GPC6: variants seen among roughly 807,000 people sequenced by gnomAD.
The protein encoded by GPC6 is glypican 6.
Under a neutral mutation model 55.2 loss-of-function variants are expected in GPC6, and 14 were observed. The observed-to-expected ratio is 0.25, with a 90% CI of 0.17 to 0.40. The LOEUF is 0.40. GPC6 is among the 10% of genes least tolerant of loss of function. The pLI is 1.00. For missense variants in GPC6, 641 were observed against 708.5 expected, an observed-to-expected ratio of 0.90 and a Z score of 1.08; for synonymous variants, 278 against 259.6, an observed-to-expected ratio of 1.07 and a Z score of -0.68.
At chr13:94,140,178 A>G (rs17196015) in intron 4 of GPC6, among the ~76,000 whole-genome samples, 26,606 of 152,186 alleles carry the variant, frequency 0.17, 2,744 homozygotes, top group Non-Finnish European at 0.23. Context: ...AAGCAAGTGC[A>G]GTACAAACCT....
At chr13:93,800,267 T>C (rs1485886448) in intron 2 of GPC6, among the ~76,000 whole-genome samples, 1 of 152,240 alleles carries the variant, frequency 6.6e-6, no homozygotes, top group East Asian at 1.9e-4. Context: ...GTGTCATTGC[T>C]ACCATTTGAT....
intron 3 of GPC6, among the ~76,000 whole-genome samples, chr13:93,977,970 A>G (rs1349678181): frequency 6.6e-6 from 1 of 152,206 alleles, no homozygotes; most frequent in Non-Finnish European, 1.5e-5. Context: ...GCTGAAGAGA[A>G]ATCGCCATAG....
chr13:94,027,609 G>C (rs953689650), intron 3 of GPC6, 120 bp from the exon 4 acceptor site: 1 of 863,040 alleles, frequency 1.2e-6, no homozygotes, highest in Non-Finnish European at 1.9e-6. Flanking sequence ...ATGGATTCAA[G>C]ATCAGTAATT....
intron 4 of GPC6, among the ~76,000 whole-genome samples, chr13:94,166,976 G>T (rs985055073): frequency 1.3e-5 from 2 of 152,116 alleles, no homozygotes; most frequent in Non-Finnish European, 2.9e-5. Flanking sequence ...GGACTTAATA[G>T]AATAATAAAT....
intron 4 of GPC6, among the ~76,000 whole-genome samples, chr13:94,239,803 G>A (rs1890997896): frequency 1.3e-5 from 2 of 152,072 alleles, no homozygotes; most frequent in Admixed American, 6.6e-5. Flanking sequence ...ACATTTTAAG[G>A]TATTAAGGCG....
At chr13:93,321,519 C>CCA (rs1879434695) in intron 1 of GPC6, among the ~76,000 whole-genome samples, 1 of 152,124 alleles carries the variant, frequency 6.6e-6, no homozygotes, top group Admixed American at 6.6e-5. Context: ...GTCAAATATA[C>CCA]TATTTTTAGA....
chr13:93,987,613 T>C (rs575009809), intron 3 of GPC6, among the ~76,000 whole-genome samples: 97 of 152,330 alleles, frequency 6.4e-4, no homozygotes, highest in South Asian at 6.2e-4. Flanking sequence ...TAAGTGTCAC[T>C]TTCCTATGTG....
chr13:94,199,103 G>T (rs1048873153), intron 4 of GPC6, among the ~76,000 whole-genome samples: 11 of 152,162 alleles, frequency 7.2e-5, no homozygotes, highest in Admixed American at 5.2e-4. Flanking sequence ...AAGCCTTTGT[G>T]CTGGAAGCTA....
intron 4 of GPC6, among the ~76,000 whole-genome samples, chr13:94,217,645 CTA>C (rs1332954528): frequency 6.6e-6 from 1 of 152,122 alleles, no homozygotes; most frequent in South Asian, 2.1e-4. Context: ...CAAGCTCAAA[CTA>C]TGAAAAACTG....
At chr13:94,230,494 C>T (rs565565355) in intron 4 of GPC6, among the ~76,000 whole-genome samples, 1 of 152,234 alleles carries the variant, frequency 6.6e-6, no homozygotes, top group South Asian at 2.1e-4. Context: ...ACTCCTGACA[C>T]GTGTGCCAGA....
At chr13:93,425,584 A>C (rs1877095902) in intron 1 of GPC6, among the ~76,000 whole-genome samples, 1 of 152,194 alleles carries the variant, frequency 6.6e-6, no homozygotes. Context: ...GCTGAGAATC[A>C]GTCCTGGAGT....
At chr13:93,649,940 A>G (rs755442938) in intron 2 of GPC6, among the ~76,000 whole-genome samples, 1 of 152,186 alleles carries the variant, frequency 6.6e-6, no homozygotes, top group Non-Finnish European at 1.5e-5. Context: ...AGACGCCCAT[A>G]TTTCAAGAGT....
intron 4 of GPC6, among the ~76,000 whole-genome samples, chr13:94,072,420 T>C (rs1479189764): frequency 6.6e-6 from 1 of 152,162 alleles, no homozygotes; most frequent in Non-Finnish European, 1.5e-5. Context: ...AGTGGCATGA[T>C]CTCAACTCAC....
intron 3 of GPC6, among the ~76,000 whole-genome samples, chr13:93,960,815 C>CTTTTTTT (rs58063943): frequency 8.2e-6 from 1 of 122,252 alleles, no homozygotes; most frequent in Non-Finnish European, 1.8e-5. Flanking sequence ...TTTTTTTTTT[C>CTTTTTTT]TTTTTTTTTT....
At chr13:93,865,214 A>G (rs17174721) in intron 3 of GPC6, among the ~76,000 whole-genome samples, 5,232 of 151,680 alleles carry the variant, frequency 0.034, 263 homozygotes, top group East Asian at 0.17. Flanking sequence ...GGAAGATAAA[A>G]TTGCTATTAT....
At chr13:93,942,928 C>CT (rs1449241292) in intron 3 of GPC6, among the ~76,000 whole-genome samples, 1 of 152,112 alleles carries the variant, frequency 6.6e-6, no homozygotes, top group Non-Finnish European at 1.5e-5. Flanking sequence ...TTGGGATGGC[C>CT]TTGCTCCATT....
intron 4 of GPC6, among the ~76,000 whole-genome samples, chr13:94,248,886 T>G (rs527922795): frequency 5.3e-5 from 8 of 152,288 alleles, no homozygotes; most frequent in African/African-American, 1.7e-4. Context: ...GTAAAAGTAA[T>G]ATACCTCTTA....
At chr13:94,302,939 G>C (rs901478294) in intron 5 of GPC6, among the ~76,000 whole-genome samples, 1 of 152,196 alleles carries the variant, frequency 6.6e-6, no homozygotes, top group Non-Finnish European at 1.5e-5. Context: ...AGGACAAACC[G>C]AGGCACTTAG....
At chr13:93,336,436 A>G (rs1880047866) in intron 1 of GPC6, among the ~76,000 whole-genome samples, 1 of 152,198 alleles carries the variant, frequency 6.6e-6, no homozygotes, top group Non-Finnish European at 1.5e-5. Flanking sequence ...TAGCACCAAA[A>G]ATTAATAAGC....
Sources: gnomAD v4.1 joint callset for allele counts (sites outside exome capture counted in the v4.1 genomes callset) on GRCh38, gnomAD v4.1.1 for gene constraint, MANE v1.5 for transcripts, NCBI Gene and HGNC (gene_info 2026-07-23, HGNC 2026-07-21) for gene names.